Variants in CCDC158 observed in about 807,000 individuals in gnomAD.
CCDC158 encodes the protein coiled-coil domain containing 158.
CCDC158 carries 116 observed loss-of-function variants against 138.6 expected under a neutral mutation model. The ratio of observed to expected loss-of-function variants is 0.84; its 90% CI spans 0.72 to 0.98. CCDC158 has a LOEUF of 0.98. Among genes scored for constraint, CCDC158 ranks in the 50% least tolerant of loss-of-function variants. The pLI is 0.00. For synonymous variants in CCDC158, 436 were observed against 442.4 expected (o/e 0.99, Z 0.18); for missense variants, 1,265 against 1,306.1 (o/e 0.97, Z 0.48).
At chr4:76,315,355 C>G (rs1429411600) in intron 24 of CCDC158, among the ~76,000 whole-genome samples, 2 of 152,146 alleles carry the variant, frequency 1.3e-5, no homozygotes, top group Non-Finnish European at 1.5e-5. Context: ...ACAAAACACA[C>G]AAACTATTGA....
intron 3 of CCDC158, among the ~76,000 whole-genome samples, chr4:76,398,826 T>C (rs1728066465): frequency 6.6e-6 from 1 of 151,386 alleles, no homozygotes; most frequent in Admixed American, 6.6e-5. Flanking sequence ...GCCAATGCCA[T>C]GAGAAACATA....
At chr4:76,354,576 C>T (rs61625194) in intron 15 of CCDC158, among the ~76,000 whole-genome samples, 222 of 152,302 alleles carry the variant, frequency 1.5e-3, no homozygotes, top group African/African-American at 5.0e-3. Flanking sequence ...AGGCAAACTT[C>T]ATGGTTGCTT....
chr4:76,357,595 A>C (rs771016836), intron 13 of CCDC158, 69 bp from the exon 14 acceptor site: 4 of 985,452 alleles, frequency 4.1e-6, no homozygotes, highest in Non-Finnish European at 5.5e-6. Flanking sequence ...AGTATATTTT[A>C]TTTGTAATTA....
chr4:76,351,189 A>C, intron 17 of CCDC158, 68 bp from the exon 18 acceptor site: 3 of 1,461,534 alleles, frequency 2.1e-6, no homozygotes, highest in Non-Finnish European at 2.8e-6. Context: ...GTGAAATCAA[A>C]ATGTATTTTT....
chr4:76,340,694 G>A (rs1721966849), intron 18 of CCDC158, among the ~76,000 whole-genome samples: 1 of 152,056 alleles, frequency 6.6e-6, no homozygotes, highest in South Asian at 2.1e-4. Flanking sequence ...CCATCTAGTT[G>A]CAGGAAAACA....
At chr4:76,373,085 G>T (rs1411816345) in intron 9 of CCDC158, among the ~76,000 whole-genome samples, 4 of 152,126 alleles carry the variant, frequency 2.6e-5, no homozygotes, top group Non-Finnish European at 4.4e-5. Flanking sequence ...CTGGCCTCAG[G>T]TGATCCACCC....
chr4:76,377,141 C>A (rs1725792593), intron 9 of CCDC158, among the ~76,000 whole-genome samples: 1 of 151,988 alleles, frequency 6.6e-6, no homozygotes, highest in Non-Finnish European at 1.5e-5. Flanking sequence ...CCAATATGTC[C>A]AAATCAGCAT....
intron 1 of CCDC158, among the ~76,000 whole-genome samples, chr4:76,412,577 C>A (rs867286093): frequency 3.3e-5 from 5 of 152,128 alleles, no homozygotes; most frequent in Non-Finnish European, 7.4e-5. Flanking sequence ...CATGGGGAAA[C>A]CCCGTCTCTA....
At chr4:76,373,236 C>G (rs1026713250) in intron 9 of CCDC158, among the ~76,000 whole-genome samples, 1 of 152,082 alleles carries the variant, frequency 6.6e-6, no homozygotes, top group Non-Finnish European at 1.5e-5. Context: ...TTTAGCTGAG[C>G]CACACAATAT....
At chr4:76,320,612 G>A (rs186755474) in intron 24 of CCDC158, among the ~76,000 whole-genome samples, 9 of 152,290 alleles carry the variant, frequency 5.9e-5, no homozygotes, top group Admixed American at 4.6e-4. Context: ...CAATGGAACA[G>A]AATAGAGAAC....
At chr4:76,351,580 C>T (rs116442665) in intron 17 of CCDC158, 140 bp downstream of exon 17, 358 of 617,648 alleles carry the variant, frequency 5.8e-4, no homozygotes, top group Non-Finnish European at 9.2e-4. Context: ...TAACAATGTA[C>T]ACATCTTATC....
chr4:76,333,546 C>T (rs1316390897), intron 19 of CCDC158, among the ~76,000 whole-genome samples: 1 of 152,130 alleles, frequency 6.6e-6, no homozygotes, highest in Non-Finnish European at 1.5e-5. Flanking sequence ...GGCATGAATA[C>T]AGAGAAAACG....
Position 76,362,146 on chromosome 4 carries a change from C to G in CCDC158, c.2000G>C (p.Ser667Thr). 1.9e-6 allele frequency: 3 copies of G among 1,613,752 alleles called. No individual in the cohort carries two copies. Among genetic ancestry groups the G allele is most frequent in the Non-Finnish European group, 2.5e-6 (3 of 1,179,908 alleles). Reference protein sequence around the residue: ...QLLNEVKTSRSELNNLSEEYE... With the variant: ...QLLNEVKTSRTELNNLSEEYE... The stretch of plus-strand genomic sequence containing the variant: ...CATACCTGAAAGATTGTTTAATTCA[C>G]TCCTACTTGTTTTCACCTCATTTAA... The change falls in exon 13 of 25, where the codon AGT becomes ACT. Residue 667 changes from serine (S) to threonine (T), a missense_variant. Coordinates refer to ENST00000682701, the MANE Select transcript of CCDC158 (RefSeq NM_001394954.1).
At position 76,369,418 on chromosome 4, in the gene CCDC158, G is replaced by A. The variant is rs1578996832; in HGVS notation, c.1347+8C>T. Reference sequence around the variant, plus strand: ...TTTGGCGATGGCACAGCCTGTGCAGGCACTGACCTGCCGCTCCATCTGGCC... The same window carrying A: ...TTTGGCGATGGCACAGCCTGTGCAGACACTGACCTGCCGCTCCATCTGGCC... On this transcript the variant is annotated splice_region_variant and intron_variant, in intron 11 of 24. Transcript: ENST00000682701. 1 of 1,613,506 alleles carries A rather than the reference G, an allele frequency of 6.2e-7. No individual in the cohort carries two copies. The highest frequency in any genetic ancestry group is 8.5e-7 in the Non-Finnish European group (1 of 1,179,848).
chr4:76,420,256 C>T (rs1446703864), intron 1 of CCDC158, among the ~76,000 whole-genome samples: 2 of 152,086 alleles, frequency 1.3e-5, no homozygotes, highest in Admixed American at 6.5e-5. Context: ...TCCCCACACG[C>T]CCCCGCCATA....
intron 10 of CCDC158, among the ~76,000 whole-genome samples, chr4:76,371,128 G>A (rs377668839): frequency 4.6e-5 from 7 of 152,092 alleles, no homozygotes; most frequent in Admixed American, 3.3e-4. Context: ...TAAAATGAAC[G>A]TGTAACACTA....
chr4:76,351,826 A>T lies in CCDC158; in HGVS notation c.2446-14T>A. The T allele has an allele frequency of 6.5e-7, 1 of 1,526,786 alleles. No homozygotes were observed. Among genetic ancestry groups the T allele is most frequent in the Non-Finnish European group, 9.1e-7 (1 of 1,101,220 alleles). 94.6% of individuals were successfully genotyped at this position (1,526,786 alleles called of 1,614,324 possible). ...CTGCAAAGATGCCTACAAATGGAGC[A>T]ATCATAAATGGTTTATCTTGCATTC... On this transcript the variant is annotated splice_polypyrimidine_tract_variant and intron_variant, in intron 16 of 24. Transcript: ENST00000682701.
intron 13 of CCDC158, 93 bp downstream of exon 13, chr4:76,362,033 A>T: frequency 1.1e-6 from 1 of 921,652 alleles, no homozygotes; most frequent in Non-Finnish European, 1.6e-6. Flanking sequence ...CATGTGAGTG[A>T]GACACCCTTC....
chr4:76,387,843 A>C (rs1726955473), intron 4 of CCDC158, among the ~76,000 whole-genome samples: 1 of 129,980 alleles, frequency 7.7e-6, no homozygotes, highest in Non-Finnish European at 1.7e-5. Context: ...AAAAAAAATC[A>C]AACCAAACAA....
Sources: gnomAD v4.1 joint callset for allele counts (sites outside exome capture counted in the v4.1 genomes callset) on GRCh38, gnomAD v4.1.1 for gene constraint, MANE v1.5 for transcripts, NCBI Gene and HGNC (gene_info 2026-07-23, HGNC 2026-07-21) for gene names.